Variants in MATK observed in about 807,000 individuals in gnomAD.
MATK encodes the protein megakaryocyte-associated tyrosine kinase, also known as megakaryocyte-associated tyrosine-protein kinase.
Under a neutral mutation model 59.8 loss-of-function variants are expected in MATK, and 41 were observed. The ratio of observed to expected loss-of-function variants is 0.69; its 90% CI spans 0.53 to 0.89. MATK has a LOEUF of 0.89. MATK is among the 40% of genes least tolerant of loss of function. The pLI is 0.00. For missense variants in MATK, 593 were observed against 719.6 expected, an observed-to-expected ratio of 0.82 and a Z score of 2.01; for synonymous variants, 308 against 306.1, an observed-to-expected ratio of 1.01 and a Z score of -0.06.
upstream of MATK, among the ~76,000 whole-genome samples, chr19:3,791,351 C>A (rs986763516): frequency 1.4e-5 from 2 of 143,514 alleles, no homozygotes; most frequent in African/African-American, 5.1e-5. Flanking sequence ...CCTCCCCCCA[C>A]TTTTTTTTTT....
chr19:3,789,578 G>A (rs180817712), upstream of MATK, among the ~76,000 whole-genome samples: 2 of 152,156 alleles, frequency 1.3e-5, no homozygotes, highest in Non-Finnish European at 2.9e-5. Context: ...GGGGCAGGGA[G>A]CTCCCCTGAC....
chr19:3,784,849 AG>A lies in MATK; in HGVS notation c.107del (p.Pro36LeufsTer125), dbSNP rs2145100761. The A allele has an allele frequency of 3.2e-6, 5 of 1,548,344 alleles. No homozygotes were observed. The highest frequency in any genetic ancestry group is 4.4e-6 in the Non-Finnish European group (5 of 1,145,308). ...SPRFLRAWHPPPVSARMPTRR... is the reference protein window; with the variant it reads ...SPRFLRAWHPXPVSARMPTRR... ...CCGTTGGCATCCTGGCTGAGACGGG[AG>A]GGGGGTGCCAGGCTCGGAGGAAGCG... is the stretch of plus-strand genomic sequence containing the variant. On this transcript the variant is annotated frameshift_variant, in exon 3 of 14. Coordinates refer to ENST00000310132, the MANE Select transcript of MATK (RefSeq NM_139355.3). LOFTEE classifies it high-confidence loss of function.
At position 3,784,877 on chromosome 19, in the gene MATK, G is replaced by A. The variant is rs954749598; in HGVS notation, c.80C>T (p.Pro27Leu). The A allele has an allele frequency of 2.6e-6, 4 of 1,534,826 alleles. No individual in the cohort carries two copies. In the African/African-American group the frequency reaches 5.5e-5, roughly 21 times the overall value. ...DSAEELPRVS[P>L]RFLRAWHPPP... ...GGGGTGCCAGGCTCGGAGGAAGCGG[G>A]GGCTCACCTGGGGAGGGGACAGAGT... Residue 27 changes from proline (P) to leucine (L), a missense_variant, in exon 3 of 14, where the codon CCC (proline) becomes CTC (leucine). Coordinates refer to ENST00000310132, the MANE Select transcript of MATK (RefSeq NM_139355.3).
chr19:3,778,642 G>T, intron 12 of MATK, 47 bp from the exon 13 acceptor site: 1 of 1,559,560 alleles, frequency 6.4e-7, no homozygotes. Context: ...CAGGTTTTCT[G>T]CTCCAGCCCC....
chr19:3,796,997 C>A (rs2037601200), intron 1 of MATK, among the ~76,000 whole-genome samples: 1 of 151,998 alleles, frequency 6.6e-6, no homozygotes, highest in Non-Finnish European at 1.5e-5. Context: ...CTTGTAGAAT[C>A]TTCTTGTTCC....
At chr19:3,784,262 TTAGTG>T in intron 4 of MATK, 23 bp from the exon 5 acceptor site, 1 of 1,604,996 alleles carries the variant, frequency 6.2e-7, no homozygotes, top group South Asian at 1.1e-5. Context: ...AAGCACGGGG[TTAGTG>T]TGGGGGGTGT....
chr19:3,792,248 G>T (rs777982170), intron 1 of MATK, among the ~76,000 whole-genome samples: 6 of 152,116 alleles, frequency 3.9e-5, no homozygotes, highest in Non-Finnish European at 8.8e-5. Flanking sequence ...TCTAAGGCAG[G>T]GCACGATTCT....
At chr19:3,783,096 AG>A in intron 7 of MATK, 29 bp downstream of exon 7, 1 of 1,608,262 alleles carries the variant, frequency 6.2e-7, no homozygotes. Context: ...TGGGTAGGGA[AG>A]GGGGTCTGCC....
intron 1 of MATK, among the ~76,000 whole-genome samples, chr19:3,792,393 G>A (rs944249803): frequency 2.6e-5 from 4 of 152,116 alleles, no homozygotes; most frequent in Non-Finnish European, 5.9e-5. Flanking sequence ...AACTTCAAAC[G>A]CTAGAGGCTT....
chr19:3,797,322 G>A (rs2037605100), intron 1 of MATK, among the ~76,000 whole-genome samples: 1 of 134,504 alleles, frequency 7.4e-6, no homozygotes, highest in Non-Finnish European at 1.5e-5. Flanking sequence ...TTTGAGACAG[G>A]GTCTCACTCT....
chr19:3,783,352 C>T (rs934704564), intron 6 of MATK, 133 bp from the exon 7 acceptor site: 102 of 694,750 alleles, frequency 1.5e-4, no homozygotes, highest in South Asian at 4.9e-4. Context: ...TCCATAGGAA[C>T]GGGAAAGGAG....
At chr19:3,796,928 T>G (rs1379079106) in intron 1 of MATK, among the ~76,000 whole-genome samples, 1 of 152,198 alleles carries the variant, frequency 6.6e-6, no homozygotes, top group Non-Finnish European at 1.5e-5. Flanking sequence ...TTGTCCTGTT[T>G]CCTCATACTT....
chr19:3,784,062 T>C (rs1365606477), intron 5 of MATK, 29 bp from the exon 6 acceptor site: 1 of 1,594,138 alleles, frequency 6.3e-7, no homozygotes, highest in Admixed American at 1.7e-5. Flanking sequence ...TGGGTCAGAC[T>C]GGGCTGTGGA....
chr19:3,781,233 G>A (rs753557435), intron 8 of MATK, among the ~76,000 whole-genome samples: 20 of 152,126 alleles, frequency 1.3e-4, no homozygotes, highest in Non-Finnish European at 1.5e-5. Context: ...CACAAAGCAG[G>A]AAATATTTAC....
chr19:3,783,758 G>A lies in MATK; in HGVS notation c.582+56C>T, dbSNP rs117286115. ...TCTATCTCTACGTAGGGGAGTCTCC[G>A]GAGTCCCTGGGCTGCCCCACTGCAG... On this transcript the variant is annotated intron_variant, in intron 6 of 13. Coordinates refer to ENST00000310132, the MANE Select transcript of MATK (RefSeq NM_139355.3). 867 of 1,534,844 alleles carry A rather than the reference G, an allele frequency of 5.6e-4. 7 individuals carry two copies. The East Asian group carries it at 0.016, about 28-fold the overall frequency.
chr19:3,779,584 C>T lies in MATK; in HGVS notation c.876G>A (p.Leu292=), dbSNP rs1238205821. ...KMQHENLVRL[L]GVILHQGLYI... is the part of the protein sequence containing the mutation. ...ACAGCCCCTGGTGCAGGATCACGCC[C>T]AGGAGACGCACCAGGTTCTCGTGTT... The change falls in exon 10 of 14, where the codon CTG becomes CTA. Residue 292 remains leucine, a synonymous_variant. Coordinates refer to ENST00000310132, the MANE Select transcript of MATK (RefSeq NM_139355.3). 3 of 1,611,812 alleles carry T rather than the reference C, an allele frequency of 1.9e-6. No individual in the cohort carries two copies. In the South Asian group the frequency reaches 3.3e-5, roughly 18 times the overall value.
At chr19:3,793,860 C>A (rs1338543615) in intron 1 of MATK, among the ~76,000 whole-genome samples, 1 of 152,078 alleles carries the variant, frequency 6.6e-6, no homozygotes, top group Non-Finnish European at 1.5e-5. Context: ...TAGAGTGAGA[C>A]TGTCAAAATA....
At chr19:3,778,719 C>G in intron 12 of MATK, 124 bp from the exon 13 acceptor site, 1 of 1,068,882 alleles carries the variant, frequency 9.4e-7, no homozygotes. Flanking sequence ...TGAGTCCTCC[C>G]CCAACGCCGC....
intron 1 of MATK, among the ~76,000 whole-genome samples, chr19:3,791,531 C>T (rs903616273): frequency 1.8e-4 from 28 of 151,976 alleles, no homozygotes; most frequent in African/African-American, 5.3e-4. Flanking sequence ...TTAGTAGAGA[C>T]GGGGTTTCAC....
Sources: allele counts gnomAD v4.1 joint callset (sites outside exome capture counted in the v4.1 genomes callset), GRCh38; gene constraint gnomAD v4.1.1; transcripts MANE v1.5; gene names NCBI Gene and HGNC (gene_info 2026-07-23, HGNC 2026-07-21).